The following CELF2 variants were observed in gnomAD, a reference collection of about 807,000 sequenced individuals.
CELF2 encodes CUGBP Elav-like family member 2, also known as CUG triplet repeat RNA-binding protein 2.
Under a neutral mutation model 62.6 loss-of-function variants are expected in CELF2, and 8 were observed. The ratio of observed to expected loss-of-function variants is 0.13; its 90% CI spans 0.07 to 0.23. The LOEUF is 0.23. Ranked by LOEUF, CELF2 falls within the 10% of genes least tolerant of loss-of-function variation. The pLI is 1.00. For missense variants in CELF2, 333 were observed against 671.0 expected, an observed-to-expected ratio of 0.50 and a Z score of 5.56; for synonymous variants, 258 against 250.0, an observed-to-expected ratio of 1.03 and a Z score of -0.30.
At chr10:10,495,112 T>TAA in the CELF2 span, among the ~76,000 whole-genome samples, 90 of 149,718 alleles carry the variant, frequency 6.0e-4, no homozygotes, top group African/African-American at 2.2e-3. Context: ...CCGTCTCTAC[T>TAA]AAAAAAAAAA....
At chr10:11,058,591 C>T (rs946701082) in intron 1 of CELF2, among the ~76,000 whole-genome samples, 3 of 150,928 alleles carry the variant, frequency 2.0e-5, no homozygotes, top group Admixed American at 6.6e-5. Flanking sequence ...CTCAGCCTCC[C>T]GAGTAGCTGG....
the CELF2 span, among the ~76,000 whole-genome samples, chr10:10,492,643 A>G: frequency 6.6e-6 from 1 of 152,224 alleles, no homozygotes; most frequent in East Asian, 1.9e-4. Flanking sequence ...AGCATTATTC[A>G]CAATAACAAA....
At position 11,140,237 on chromosome 10, in the gene CELF2, G is replaced by C. The variant is rs77377247; in HGVS notation, c.75-25249G>C. Among the ~76,000 whole-genome samples the C allele has an allele frequency of 2.6e-3, 399 of 152,174 alleles. 12 individuals carry two copies. In the East Asian group the frequency reaches 0.07, roughly 27 times the overall value. ...TATTAGATTTCATCTTTTGATGTTG[G>C]TTTTTGTTTTTGTTTTGTTTAGGAG... On this transcript the variant is annotated intron_variant, in intron 1 of 12. Transcript: ENST00000633077.
intron 1 of CELF2, among the ~76,000 whole-genome samples, chr10:10,863,229 A>T (rs1286538414): frequency 6.6e-6 from 1 of 152,210 alleles, no homozygotes; most frequent in Non-Finnish European, 1.5e-5. Context: ...AGTCCCTAGG[A>T]GTATTAATCC....
At chr10:10,537,580 C>T in the CELF2 span, among the ~76,000 whole-genome samples, 1 of 152,090 alleles carries the variant, frequency 6.6e-6, no homozygotes, top group Admixed American at 6.5e-5. Context: ...TGGAGGCTTG[C>T]TTCGAATTTG....
Position 11,189,843 on chromosome 10 carries a change from C to G in CELF2, c.271+24161C>G, listed in dbSNP as rs116258450. 9.6e-3 allele frequency among the ~76,000 whole-genome samples: 1,465 copies of G among 152,330 alleles called. 18 individuals are homozygous for G. Among genetic ancestry groups the G allele is most frequent in the African/African-American group, 0.034 (1,394 of 41,566 alleles). On this transcript the variant is annotated intron_variant, in intron 2 of 12. Coordinates refer to ENST00000633077, the MANE Select transcript of CELF2 (RefSeq NM_001326342.2). Reference sequence around the variant, plus strand: ...AAACCTTTAGTGGCACACGTTGACTCAGATACAGCCCAGATTCCTTGGCCA... The same window carrying G: ...AAACCTTTAGTGGCACACGTTGACTGAGATACAGCCCAGATTCCTTGGCCA...
chr10:10,575,626 C>G, the CELF2 span, among the ~76,000 whole-genome samples: 15 of 152,200 alleles, frequency 9.9e-5, no homozygotes, highest in Non-Finnish European at 1.6e-4. Context: ...TACGTGCAGT[C>G]TGTTCCAAGA....
At chr10:10,776,624 T>C in the CELF2 span, 1 of 167,388 alleles carries the variant, frequency 6.0e-6, no homozygotes, top group African/African-American at 2.4e-5. Context: ...TACATGGGTA[T>C]TTGGATTCAC....
Position 11,246,771 on chromosome 10 carries a change from G to A in CELF2, c.355-2382G>A, listed in dbSNP as rs543594202. Among the ~76,000 whole-genome samples the A allele has an allele frequency of 1.2e-3, 186 of 152,076 alleles. 1 individual carries two copies. Among genetic ancestry groups the A allele is most frequent in the African/African-American group, 3.5e-3 (145 of 41,456 alleles). ...AGCTCTTTGCACCCTTCTTTCCCTC[G>A]CTGACAGCTTCGCGCATACCTGTGG... is the stretch of plus-strand genomic sequence containing the variant. On this transcript the variant is annotated intron_variant, in intron 3 of 12. Transcript: ENST00000633077. This position sits in a 1 kb window ranked among gnomAD's most constrained non-coding sequence, Gnocchi z 4.6.
the CELF2 span, among the ~76,000 whole-genome samples, chr10:10,637,185 G>A: frequency 6.6e-6 from 1 of 152,154 alleles, no homozygotes; most frequent in Non-Finnish European, 1.5e-5. Flanking sequence ...TTAAGGGAAA[G>A]CTAAAAATGT....
At chr10:10,933,229 G>A (rs1446965996) in intron 2 of CELF2, among the ~76,000 whole-genome samples, 1 of 152,104 alleles carries the variant, frequency 6.6e-6, no homozygotes, top group Non-Finnish European at 1.5e-5. Context: ...CTTAAGCCCA[G>A]GAGGTTGAAG....
At chr10:10,794,341 G>T (rs1258678592), upstream of CELF2, among the ~76,000 whole-genome samples, 1 of 152,000 alleles carries the variant, frequency 6.6e-6, no homozygotes, top group Non-Finnish European at 1.5e-5. Context: ...GCAAGAGCCG[G>T]CAAAAATAAG....
chr10:10,659,964 G>A, the CELF2 span, among the ~76,000 whole-genome samples: 5 of 152,140 alleles, frequency 3.3e-5, no homozygotes, highest in Non-Finnish European at 5.9e-5. Flanking sequence ...GTGGCGTGAC[G>A]ACAAAAGCAG....
chr10:10,576,322 T>C, the CELF2 span, among the ~76,000 whole-genome samples: 1 of 152,212 alleles, frequency 6.6e-6, no homozygotes, highest in Non-Finnish European at 1.5e-5. Context: ...TAGATTAATT[T>C]TGGAGTCCTT....
rs1212557081 is a variant in CELF2, at chr10:11,311,079, C to T, written c.977-3060C>T. Among the ~76,000 whole-genome samples, 3 of 152,084 alleles carry T rather than the reference C, an allele frequency of 2.0e-5. No homozygotes were observed. Among genetic ancestry groups the T allele is most frequent in the Admixed American group, 2.0e-4 (3 of 15,268 alleles). On this transcript the variant is annotated intron_variant, in intron 9 of 12. Coordinates refer to ENST00000633077, the MANE Select transcript of CELF2 (RefSeq NM_001326342.2). The surrounding 1 kb of genome is among the most constrained non-coding windows in gnomAD (Gnocchi z 4.7). ...TGTGCAGTATCTAATAGGAGACCCT[C>T]CCCATACGAGCCTGAAACCTCAAAA... is the stretch of plus-strand genomic sequence containing the variant.
the CELF2 span, among the ~76,000 whole-genome samples, chr10:10,644,498 G>A: frequency 2.5e-4 from 38 of 151,884 alleles, no homozygotes; most frequent in Non-Finnish European, 5.0e-4. Context: ...GGTTTTCACC[G>A]CAGTTGAGCC....
At chr10:10,838,098 G>T (rs192764596) in intron 1 of CELF2, among the ~76,000 whole-genome samples, 106 of 152,244 alleles carry the variant, frequency 7.0e-4, no homozygotes, top group African/African-American at 2.4e-3. Flanking sequence ...GTTCTTCTTG[G>T]TTGGGACAGT....
At chr10:10,775,877 C>T in the CELF2 span, among the ~76,000 whole-genome samples, 3 of 152,184 alleles carry the variant, frequency 2.0e-5, no homozygotes, top group African/African-American at 7.2e-5. Context: ...ACACGATGCC[C>T]TTTCATTATA....
the CELF2 span, among the ~76,000 whole-genome samples, chr10:10,680,844 T>C: frequency 1.3e-5 from 2 of 152,198 alleles, no homozygotes; most frequent in Non-Finnish European, 2.9e-5. Context: ...TATATATGAA[T>C]AGGTATGTTT....
Sources: allele counts gnomAD v4.1 joint callset (sites outside exome capture counted in the v4.1 genomes callset), GRCh38; gene constraint gnomAD v4.1.1; non-coding constraint Gnocchi (gnomAD v3.1); transcripts MANE v1.5; gene names NCBI Gene and HGNC (gene_info 2026-07-23, HGNC 2026-07-21).